The following CACNA1B variants were observed in gnomAD, a reference collection of about 807,000 sequenced individuals.
CACNA1B encodes voltage-dependent N-type calcium channel subunit alpha-1B.
Under a neutral mutation model 247.2 loss-of-function variants are expected in CACNA1B, and 70 were observed. That is an observed-to-expected ratio of 0.28 (90% CI 0.23 to 0.35). The LOEUF (loss-of-function observed/expected upper bound fraction) is 0.35. Ranked by LOEUF, CACNA1B falls within the 10% of genes least tolerant of loss-of-function variation. The pLI, the probability that CACNA1B is intolerant of heterozygous loss-of-function variation, is 1.00. For synonymous variants in CACNA1B, 1,231 were observed against 1,294.4 expected (o/e 0.95, Z 1.05); for missense variants, 2,367 against 3,197.4 (o/e 0.74, Z 6.26).
rs1956860929 is a variant in CACNA1B at position 137,878,146 on chromosome 9, C to T, written c.213C>T (p.Val71=). 7.6e-7 allele frequency: 1 copy of T among 1,308,856 alleles called. No individual in the cohort carries two copies. The highest frequency in any genetic ancestry group is 9.8e-7 in the Non-Finnish European group (1 of 1,023,876). The allele number at this position is 1,308,856 out of a possible 1,614,324, so 81.1% of individuals were successfully genotyped here. The stretch of plus-strand genomic sequence containing the variant: ...CGGTCAAGCAGAACTGCTTCACCGT[C>T]AACCGCTCGCTCTTCGTCTTCAGCG... The part of the protein sequence containing the change: ...PIPVKQNCFT[V]NRSLFVFSED... The change falls in exon 1 of 47, where the codon GTC becomes GTT. Residue 71 remains valine (V), a synonymous_variant. Transcript: ENST00000371372.
chr9:138,078,549 T>A (rs1960407309), intron 36 of CACNA1B, among the ~76,000 whole-genome samples: 1 of 152,206 alleles, frequency 6.6e-6, no homozygotes, highest in African/African-American at 2.4e-5. Flanking sequence ...ACTGTGGTGA[T>A]GGGATGTGAA....
intron 3 of CACNA1B, among the ~76,000 whole-genome samples, chr9:137,886,244 G>T (rs1417959338): frequency 6.6e-6 from 1 of 151,594 alleles, no homozygotes; most frequent in African/African-American, 2.4e-5. Flanking sequence ...GAGGACAGGG[G>T]TCCGGTTGTG....
chr9:138,026,028 G>A (rs1048466424), intron 20 of CACNA1B, among the ~76,000 whole-genome samples: 2 of 152,088 alleles, frequency 1.3e-5, no homozygotes, highest in African/African-American at 2.4e-5. Flanking sequence ...GTTTGCAGAC[G>A]GATCTCCACA....
chr9:137,956,706 G>C, intron 8 of CACNA1B, 65 bp from the exon 9 acceptor site: 1 of 1,321,644 alleles, frequency 7.6e-7, no homozygotes, highest in South Asian at 1.3e-5. Flanking sequence ...ACAGAGATGT[G>C]CCTCTGTCCT....
At chr9:138,101,653 A>T (rs545835223) in intron 37 of CACNA1B, among the ~76,000 whole-genome samples, 1 of 152,218 alleles carries the variant, frequency 6.6e-6, no homozygotes. Flanking sequence ...GGGGGAGGAA[A>T]GGGCAGAGGC....
intron 10 of CACNA1B, among the ~76,000 whole-genome samples, chr9:137,970,825 A>G (rs933197566): frequency 7.2e-5 from 11 of 152,192 alleles, no homozygotes; most frequent in African/African-American, 9.7e-5. Flanking sequence ...CAGGTAGACA[A>G]AGTTTCCAAC....
chr9:138,073,674 A>G lies in CACNA1B; in HGVS notation c.4791+70A>G. The stretch of plus-strand genomic sequence containing the variant: ...GTCTTGCTTCCCCTGCCCCCACCAC[A>G]GTGGCCCCTCCTTTGGGAGGCTGGG... On this transcript the variant is annotated intron_variant, in intron 33 of 46. Coordinates refer to ENST00000371372, the MANE Select transcript of CACNA1B (RefSeq NM_000718.4). The surrounding 1 kb of genome is among the most constrained non-coding windows in gnomAD (Gnocchi z 6.4). 1.1e-6 allele frequency: 1 copy of G among 901,184 alleles called. No homozygotes were observed. Among genetic ancestry groups the G allele is most frequent in the Non-Finnish European group, 1.9e-6 (1 of 536,188 alleles). 55.8% of individuals were successfully genotyped at this position (901,184 alleles called of 1,614,324 possible).
chr9:138,023,702 C>A lies in CACNA1B; in HGVS notation c.2959C>A (p.Pro987Thr), dbSNP rs772589388. ...RRHRARHKAQ[P>T]AHEAVEKETT... is the part of the protein sequence containing the mutation. ...GCACCGGGCCCGGCACAAGGCGCAGCCTGCTCACGAGGCTGTGGAGAAGGA... is the reference window on the plus strand; with the variant it reads ...GCACCGGGCCCGGCACAAGGCGCAGACTGCTCACGAGGCTGTGGAGAAGGA... Residue 987 changes from proline (P) to threonine (T), a missense_variant, in exon 19 of 47, where the codon CCT becomes ACT. Pro to Thr is a conservative substitution (Grantham distance 38, BLOSUM62 -1). This residue lies in a region of CACNA1B where 631 missense variants were observed against 631.1 expected (regional missense o/e 1.00). Coordinates refer to ENST00000371372, the MANE Select transcript of CACNA1B (RefSeq NM_000718.4). 7 of 1,539,728 alleles carry A rather than the reference C, an allele frequency of 4.5e-6. No individual in the cohort carries two copies. The African/African-American group carries it at 8.4e-5, about 19-fold the overall frequency.
intron 38 of CACNA1B, among the ~76,000 whole-genome samples, chr9:138,104,349 T>G (rs1374067311): frequency 6.6e-6 from 1 of 152,046 alleles, no homozygotes; most frequent in Non-Finnish European, 1.5e-5. Flanking sequence ...GTAAATCACC[T>G]GCCTGCTCTG....
rs1957966323 is a variant in CACNA1B, at chr9:137,957,739, G to A, written c.1333+52G>A. 6.1e-6 allele frequency: 8 copies of A among 1,301,986 alleles called. No homozygotes were observed. The allele number at this position is 1,301,986 out of a possible 1,614,324, so 80.7% of individuals were successfully genotyped here. A position where few individuals can be genotyped will look rare whatever the true frequency, so the allele number is the denominator to read the frequency against. ...CTGCCAGGCTTGAGCTGGACATGGA[G>A]TGCATGCTCCGCTTCCCCTGCTACC... is the stretch of plus-strand genomic sequence containing the variant. On this transcript the variant is annotated intron_variant, in intron 10 of 46. Coordinates refer to ENST00000371372, the MANE Select transcript of CACNA1B (RefSeq NM_000718.4). This position sits in a 1 kb window ranked among gnomAD's most constrained non-coding sequence, Gnocchi z 4.7.
intron 37 of CACNA1B, among the ~76,000 whole-genome samples, chr9:138,101,900 CCTCTCTA>C (rs1961264425): frequency 6.6e-6 from 1 of 152,158 alleles, no homozygotes; most frequent in Non-Finnish European, 1.5e-5. Context: ...GGCCTCGTGG[CCTCTCTA>C]CTTGGGAAGA....
intron 3 of CACNA1B, among the ~76,000 whole-genome samples, chr9:137,898,675 A>T (rs1054657387): frequency 6.0e-5 from 9 of 150,844 alleles, no homozygotes; most frequent in African/African-American, 2.2e-4. Flanking sequence ...CTGAATACTT[A>T]AAAAAAATTT....
intron 20 of CACNA1B, 96 bp from the exon 21 acceptor site, chr9:138,043,678 A>G (rs993723364): frequency 1.4e-6 from 2 of 1,420,388 alleles, no homozygotes; most frequent in Admixed American, 1.7e-5. Flanking sequence ...TGAGGACCTG[A>G]CGCAAGTGCC....
chr9:138,010,146 C>A lies in CACNA1B; in HGVS notation c.2160+69C>A. The A allele has an allele frequency of 1.6e-6, 2 of 1,286,106 alleles. No individual in the cohort carries two copies. Among genetic ancestry groups the A allele is most frequent in the Non-Finnish European group, 2.3e-6 (2 of 883,990 alleles). The allele number at this position is 1,286,106 out of a possible 1,614,324, so 79.7% of individuals were successfully genotyped here. A position where few individuals can be genotyped will look rare whatever the true frequency, so the allele number is the denominator to read the frequency against. ...GAATGTGGCCGCAGCCAGGAAGAGT[C>A]TGGGTCCTGGGTTAGGGCCTCGTGT... is the stretch of plus-strand genomic sequence containing the variant. On this transcript the variant is annotated intron_variant, in intron 17 of 46. Transcript: ENST00000371372. The surrounding 1 kb of genome is among the most constrained non-coding windows in gnomAD (Gnocchi z 5.3).
At chr9:137,925,485 A>G (rs552654311) in intron 6 of CACNA1B, among the ~76,000 whole-genome samples, 12 of 152,334 alleles carry the variant, frequency 7.9e-5, no homozygotes, top group African/African-American at 2.6e-4. Context: ...CCATTAGAAA[A>G]TGGTATTGTA....
At position 138,074,047 on chromosome 9, in the gene CACNA1B, A is replaced by C. The variant is rs1356706306; in HGVS notation, c.4838A>C (p.Tyr1613Ser). The C allele has an allele frequency of 6.2e-7, 1 of 1,612,812 alleles. No individual in the cohort carries two copies. Reference sequence around the variant, plus strand: ...CTCATTGCCATGCTGTTCTTCATCTACGCCATCATCGGCATGCAGGTGGGT... The same window carrying C: ...CTCATTGCCATGCTGTTCTTCATCTCCGCCATCATCGGCATGCAGGTGGGT... ...CLLIAMLFFI[Y>S]AIIGMQVFGN... The change falls in exon 34 of 47, where the codon TAC becomes TCC. Residue 1613 changes from tyrosine to serine, a missense_variant. This residue lies in a region of CACNA1B where 436 missense variants were observed against 679.5 expected (regional missense o/e 0.64). Transcript: ENST00000371372.
intron 18 of CACNA1B, among the ~76,000 whole-genome samples, chr9:138,021,372 G>A (rs991531928): frequency 3.3e-5 from 5 of 152,220 alleles, no homozygotes; most frequent in Non-Finnish European, 5.9e-5. Context: ...GCTTTCATTC[G>A]TGCAAAGTGC....
At chr9:137,935,526 T>C (rs1029173156) in intron 6 of CACNA1B, among the ~76,000 whole-genome samples, 5 of 152,242 alleles carry the variant, frequency 3.3e-5, no homozygotes, top group African/African-American at 4.8e-5. Context: ...GGGTTAGTTC[T>C]TAGTCTTTGC....
chr9:138,078,075 G>T (rs1326613942), intron 35 of CACNA1B, 39 bp from the exon 36 acceptor site: 1 of 1,602,612 alleles, frequency 6.2e-7, no homozygotes, highest in Non-Finnish European at 8.5e-7. Context: ...GCTCCCTCAA[G>T]GGCCTCTGTG....
Sources: allele counts gnomAD v4.1 joint callset (sites outside exome capture counted in the v4.1 genomes callset), GRCh38; gene constraint gnomAD v4.1.1; regional missense constraint gnomAD v4.1.1; non-coding constraint Gnocchi (gnomAD v3.1); transcripts MANE v1.5; gene names NCBI Gene and HGNC (gene_info 2026-07-23, HGNC 2026-07-21).